CD83: variants seen among roughly 807,000 people sequenced by gnomAD.
CD83 encodes the protein CD83 antigen.
In CD83, 22 loss-of-function variants were observed where a neutral mutation model predicts 24.6. That is an observed-to-expected ratio of 0.90 (90% CI 0.64 to 1.28). The LOEUF is 1.28. CD83 is among the 50% of genes most tolerant of loss of function. The pLI, the probability that CD83 is intolerant of heterozygous loss-of-function variation, is 0.00. For synonymous variants in CD83, 101 were observed against 103.5 expected (o/e 0.98, Z 0.14); for missense variants, 253 against 252.8 (o/e 1.00, Z -0.01).
At chr6:14,123,732 A>G in intron 2 of CD83, among the ~76,000 whole-genome samples, 1 of 141,826 alleles carries the variant, frequency 7.1e-6, no homozygotes, top group Non-Finnish European at 1.5e-5. Context: ...GGAGGAAGAA[A>G]GCAGCTGAGA....
rs10046182 is a variant in CD83, at chr6:14,129,338, G to A, written c.154-2182G>A. On this transcript the variant is annotated intron_variant, in intron 2 of 4. Coordinates refer to ENST00000379153, the MANE Select transcript of CD83 (RefSeq NM_004233.4). The surrounding 1 kb of genome is among the most constrained non-coding windows in gnomAD (Gnocchi z 4.3). ...AGCCCTTGCCTGGTAGGAAGAAGCC[G>A]CTCTGCCAGGCAGCGGAAGGGAGAG... Among the ~76,000 whole-genome samples the A allele has an allele frequency of 0.066, 10,087 of 152,184 alleles. 1,122 individuals are homozygous for A. The highest frequency in any genetic ancestry group is 0.23 in the African/African-American group (9,567 of 41,470).
At chr6:14,119,064 G>A (rs925313661) in intron 2 of CD83, among the ~76,000 whole-genome samples, 3 of 152,192 alleles carry the variant, frequency 2.0e-5, no homozygotes, top group Non-Finnish European at 4.4e-5. Context: ...ACAGTACAAG[G>A]CATCATTGCG....
At position 14,135,489 on chromosome 6, in the gene CD83, T is replaced by C. The variant is rs1475270113; in HGVS notation, c.*253T>C. 23 of 430,464 alleles carry C rather than the reference T, an allele frequency of 5.3e-5. No individual in the cohort carries two copies. The highest frequency in any genetic ancestry group is 9.6e-5 in the Non-Finnish European group (23 of 239,370). 26.7% of individuals were successfully genotyped at this position (430,464 alleles called of 1,614,324 possible). ...CTTTTCAGCGATGTATGCAGCTATC[T>C]GGTCAACCTCCTGGACATTTTTTCA... On this transcript the variant is annotated 3_prime_UTR_variant, in exon 5 of 5. Coordinates refer to ENST00000379153, the MANE Select transcript of CD83 (RefSeq NM_004233.4).
chr6:14,122,087 T>G (rs1003450679), intron 2 of CD83, among the ~76,000 whole-genome samples: 31 of 152,204 alleles, frequency 2.0e-4, no homozygotes, highest in African/African-American at 6.3e-4. Context: ...AGTGCCCTTT[T>G]CAGATGATTT....
rs145149221 is a variant in CD83 at position 14,135,147 on chromosome 6, A to G, written c.529A>G (p.Lys177Glu). ...ACAGAGTATCTTCCCAGATTTTTCT[A>G]AAGCTGGCATGGAACGAGCTTTTCT... ...RLQSIFPDFSKAGMERAFLPV... is the reference protein window; with the variant it reads ...RLQSIFPDFSEAGMERAFLPV... Residue 177 changes from lysine (K) to glutamate (E), a missense_variant, in exon 5 of 5, where the codon AAA (lysine) becomes GAA (glutamate). Physicochemically the swap from Lys to Glu is moderately conservative, Grantham distance 56 (BLOSUM62 1). Transcript: ENST00000379153. 135 of 1,614,008 alleles carry G rather than the reference A, an allele frequency of 8.4e-5. 1 individual carries two copies. Among genetic ancestry groups the G allele is most frequent in the African/African-American group, 1.3e-5 (1 of 74,944 alleles).
chr6:14,133,171 G>C (rs894352992), intron 3 of CD83, among the ~76,000 whole-genome samples: 1 of 152,206 alleles, frequency 6.6e-6, no homozygotes, highest in African/African-American at 2.4e-5. Context: ...GAAACCTCCT[G>C]AGGTGAGGAC....
rs1471592916 is a variant in CD83, at chr6:14,131,451, A to G, written c.154-69A>G. ...TGAGGCTGGATCTTCTGAAAACAAA[A>G]TGGAAACATTGGTGTCGAGTTGGAG... On this transcript the variant is annotated intron_variant, in intron 2 of 4. Transcript: ENST00000379153. The G allele has an allele frequency of 4.3e-6, 5 of 1,160,082 alleles. No individual in the cohort carries two copies. The East Asian group carries it at 9.4e-5, about 22-fold the overall frequency. 71.9% of individuals were successfully genotyped at this position (1,160,082 alleles called of 1,614,324 possible).
In CD83 at chr6:14,118,013, C is replaced by T; in HGVS notation, c.101C>T (p.Pro34Leu). 3.1e-6 allele frequency: 5 copies of T among 1,611,454 alleles called. No individual in the cohort carries two copies. Among genetic ancestry groups the T allele is most frequent in the Non-Finnish European group, 4.2e-6 (5 of 1,179,328 alleles). ...KVACSEDVDL[P>L]CTAPWDPQVP... is the part of the protein sequence containing the mutation. ...GCTTGCTCCGAAGATGTGGACTTGC[C>T]CTGCACCGCCCCCTGGGATCCGCAG... Residue 34 changes from proline (P) to leucine (L), a missense_variant, in exon 2 of 5, where the codon CCC (proline) becomes CTC (leucine). Coordinates refer to ENST00000379153, the MANE Select transcript of CD83 (RefSeq NM_004233.4).
intron 4 of CD83, among the ~76,000 whole-genome samples, chr6:14,134,643 C>T (rs967941672): frequency 1.3e-5 from 2 of 152,194 alleles, no homozygotes; most frequent in African/African-American, 4.8e-5. Context: ...ACCAGTCAAT[C>T]AGAGACTCCA....
At position 14,135,776 on chromosome 6, in the gene CD83, C is replaced by A. The variant is rs1758035384; in HGVS notation, c.*540C>A. 1 of 152,588 alleles carries A rather than the reference C, an allele frequency of 6.6e-6. No homozygotes were observed. The highest frequency in any genetic ancestry group is 2.4e-5 in the African/African-American group (1 of 41,452). The allele number at this position is 152,588 out of a possible 1,614,324, so 9.5% of individuals were successfully genotyped here. A position where few individuals can be genotyped will look rare whatever the true frequency, so the allele number is the denominator to read the frequency against. On this transcript the variant is annotated 3_prime_UTR_variant, in exon 5 of 5. Transcript: ENST00000379153. ...GGTCCTGCTATTACTAAGGAGTAAT[C>A]TGTGTACAAAGAAATAACAAGTCGA... is the stretch of plus-strand genomic sequence containing the variant.
At chr6:14,132,018 G>A (rs542345422) in intron 3 of CD83, among the ~76,000 whole-genome samples, 7 of 152,176 alleles carry the variant, frequency 4.6e-5, no homozygotes, top group Non-Finnish European at 7.3e-5. Flanking sequence ...CCGTACAACC[G>A]TTGATTTCTC....
At chr6:14,117,650 C>T, upstream of CD83, 2 of 409,592 alleles carry the variant, frequency 4.9e-6, no homozygotes, top group Non-Finnish European at 8.5e-6. The surrounding 1 kb of genome is among the most constrained non-coding windows in gnomAD (Gnocchi z 4.6). Flanking sequence ...GGCGCCCCGG[C>T]CTAAGCGGGA....
intron 2 of CD83, among the ~76,000 whole-genome samples, chr6:14,127,974 G>T (rs531208746): frequency 6.6e-6 from 1 of 152,200 alleles, no homozygotes; most frequent in South Asian, 2.1e-4. Flanking sequence ...TGTCAATTAT[G>T]GTTGGCTGTG....
chr6:14,117,659 G>T, upstream of CD83: 4 of 496,906 alleles, frequency 8.0e-6, no homozygotes, highest in East Asian at 1.4e-4. This position sits in a 1 kb window ranked among gnomAD's most constrained non-coding sequence, Gnocchi z 4.6. Context: ...GCCTAAGCGG[G>T]ACTAGGAGGG....
rs1276609205 is a variant in CD83, at chr6:14,129,860, T to TGTGTGTGTATAC, written c.154-1656_154-1655insGTGTATACGTGT. 1.3e-5 allele frequency among the ~76,000 whole-genome samples: 2 copies of TGTGTGTGTATAC among 151,826 alleles called. No individual in the cohort carries two copies. Among genetic ancestry groups the TGTGTGTGTATAC allele is most frequent in the African/African-American group, 4.9e-5 (2 of 41,220 alleles). On this transcript the variant is annotated intron_variant, in intron 2 of 4. Transcript: ENST00000379153. This position sits in a 1 kb window ranked among gnomAD's most constrained non-coding sequence, Gnocchi z 4.3. ...GTGTGTGTGTGTGTGTGTGTGTGTGTGTGTATACGAGTGCACACGTGCCCA... is the reference window on the plus strand; with the variant it reads ...GTGTGTGTGTGTGTGTGTGTGTGTGTGTGTGTGTATACGTGTATACGAGTGCACACGTGCCCA...
intron 3 of CD83, among the ~76,000 whole-genome samples, chr6:14,132,990 G>A (rs1046481822): frequency 6.6e-6 from 1 of 152,234 alleles, no homozygotes; most frequent in Non-Finnish European, 1.5e-5. Flanking sequence ...AGGCCTCGCT[G>A]CTCTTACCCT....
chr6:14,131,691 C>A lies in CD83; in HGVS notation c.325C>A (p.Leu109Met). ...SCNSGTYRCT[L>M]QDPDGQRNLS... ...CAACTCGGGGACATACAGGTGCACT[C>A]TGCAGGACCCGGATGGGCAGAGAAA... The change falls in exon 3 of 5, where the codon CTG becomes ATG. Residue 109 changes from leucine to methionine, a missense_variant. Physicochemically the swap from Leu to Met is conservative, Grantham distance 15. Coordinates refer to ENST00000379153, the MANE Select transcript of CD83 (RefSeq NM_004233.4). 1 of 1,614,200 alleles carries A rather than the reference C, an allele frequency of 6.2e-7. No individual in the cohort carries two copies. Among genetic ancestry groups the A allele is most frequent in the Non-Finnish European group, 8.5e-7 (1 of 1,180,032 alleles).
At chr6:14,118,405 A>G (rs1335225881) in intron 2 of CD83, among the ~76,000 whole-genome samples, 1 of 152,218 alleles carries the variant, frequency 6.6e-6, no homozygotes, top group Non-Finnish European at 1.5e-5. Context: ...CCAGCAGGTC[A>G]GGAAGAAAGC....
chr6:14,131,701 C>T lies in CD83; in HGVS notation c.335C>T (p.Pro112Leu), dbSNP rs748483646. The T allele has an allele frequency of 9.3e-6, 15 of 1,613,948 alleles. No homozygotes were observed. The highest frequency in any genetic ancestry group is 5.3e-5 in the African/African-American group (4 of 74,926). Reference sequence around the variant, plus strand: ...ACATACAGGTGCACTCTGCAGGACCCGGATGGGCAGAGAAACCTAAGTGGC... The same window carrying T: ...ACATACAGGTGCACTCTGCAGGACCTGGATGGGCAGAGAAACCTAAGTGGC... The part of the protein sequence containing the change: ...SGTYRCTLQD[P>L]DGQRNLSGKV... The change falls in exon 3 of 5, where the codon CCG becomes CTG. Residue 112 changes from proline (P) to leucine (L), a missense_variant. Physicochemically the swap from Pro to Leu is moderately conservative, Grantham distance 98 (BLOSUM62 -3). Coordinates refer to ENST00000379153, the MANE Select transcript of CD83 (RefSeq NM_004233.4).
Sources: gnomAD v4.1 joint callset for allele counts (sites outside exome capture counted in the v4.1 genomes callset) on GRCh38, gnomAD v4.1.1 for gene constraint, Gnocchi (gnomAD v3.1) non-coding constraint, MANE v1.5 for transcripts, NCBI Gene and HGNC (gene_info 2026-07-23, HGNC 2026-07-21) for gene names.